The following STARD13 variants were observed in gnomAD, a reference collection of about 807,000 sequenced individuals.
The protein encoded by STARD13 is stAR-related lipid transfer protein 13.
Under a neutral mutation model 106.4 loss-of-function variants are expected in STARD13, and 62 were observed. That is an observed-to-expected ratio of 0.58 (90% CI 0.48 to 0.72). The LOEUF (loss-of-function observed/expected upper bound fraction) is 0.72, where lower values mean the gene tolerates loss of function less well. Ranked by LOEUF, STARD13 falls within the 30% of genes least tolerant of loss-of-function variation. STARD13 has a pLI of 0.00. For missense variants in STARD13, 1,387 were observed against 1,424.0 expected (o/e 0.97, Z 0.42); for synonymous variants, 565 against 553.0 (o/e 1.02, Z -0.31).
At chr13:33,106,998 AGCTAAGGTTTGTGTTTATATTTTCCT>A in intron 12 of STARD13, 64 bp from the exon 13 acceptor site, 1 of 1,483,816 alleles carries the variant, frequency 6.7e-7, no homozygotes, top group East Asian at 2.3e-5. Context: ...CTGAACACAG[AGCTAAGGTTTGTGTTTATATTTTCCT>A]GCCAACAACC....
rs781572832 is a variant in STARD13, at chr13:33,129,670, G to A, written c.1007C>T (p.Ser336Leu). Residue 336 changes from serine to leucine, a missense_variant, in exon 5 of 14, where the codon TCG (serine) becomes TTG (leucine). Ser to Leu is a moderately radical substitution (Grantham distance 145). Transcript: ENST00000336934. ...SGKSSGESSPSEHSSSGVSTP... is the reference protein window; with the variant it reads ...SGKSSGESSPLEHSSSGVSTP... ...GCTCACCCCGCTGCTGCTGTGCTCC[G>A]ACGGGCTGCTCTCGCCACTCGACTT... 8.7e-6 allele frequency: 14 copies of A among 1,613,962 alleles called. No individual in the cohort carries two copies. Among genetic ancestry groups the A allele is most frequent in the East Asian group, 4.5e-5 (2 of 44,878 alleles).
chr13:33,356,031 C>T, the STARD13 span, among the ~76,000 whole-genome samples: 1 of 152,206 alleles, frequency 6.6e-6, no homozygotes, highest in Non-Finnish European at 1.5e-5. Flanking sequence ...TCTTCAGGCT[C>T]AATGTCATAT....
chr13:33,586,659 T>A, the STARD13 span, among the ~76,000 whole-genome samples: 2 of 152,150 alleles, frequency 1.3e-5, no homozygotes, highest in Admixed American at 6.5e-5. Flanking sequence ...GGACCAGTGA[T>A]CTGATCTTTT....
intron 8 of STARD13, among the ~76,000 whole-genome samples, chr13:33,116,937 T>C (rs530896086): frequency 1.2e-4 from 19 of 152,326 alleles, no homozygotes; most frequent in African/African-American, 4.6e-4. Context: ...TGGATATTCT[T>C]CAAATTGAAT....
intron 7 of STARD13, among the ~76,000 whole-genome samples, chr13:33,122,818 G>A (rs1019996264): frequency 3.9e-5 from 6 of 152,098 alleles, no homozygotes; most frequent in Non-Finnish European, 8.8e-5. Flanking sequence ...ACTTAGGGAG[G>A]CCGAGGCGGG....
At chr13:33,119,919 G>A (rs1039814013) in intron 7 of STARD13, among the ~76,000 whole-genome samples, 5 of 152,180 alleles carry the variant, frequency 3.3e-5, no homozygotes, top group African/African-American at 1.2e-4. Flanking sequence ...TGGAAAGAAA[G>A]CATGTACTGT....
intron 1 of STARD13, among the ~76,000 whole-genome samples, chr13:33,196,226 A>G (rs1245290816): frequency 6.6e-6 from 1 of 151,964 alleles, no homozygotes; most frequent in African/African-American, 2.4e-5. Flanking sequence ...CTCTACTAAG[A>G]CTACAAAAAT....
chr13:33,423,766 A>G, the STARD13 span, among the ~76,000 whole-genome samples: 1 of 152,226 alleles, frequency 6.6e-6, no homozygotes, highest in Middle Eastern at 3.2e-3. Context: ...ATGCAGCCAT[A>G]AAAAAGGATA....
At chr13:33,556,221 A>G in the STARD13 span, among the ~76,000 whole-genome samples, 13 of 152,264 alleles carry the variant, frequency 8.5e-5, no homozygotes, top group South Asian at 8.3e-4. Flanking sequence ...ATTCATGAAG[A>G]ATGTTTTCAA....
chr13:33,132,111 T>A (rs1052534182), intron 4 of STARD13, among the ~76,000 whole-genome samples: 1 of 152,188 alleles, frequency 6.6e-6, no homozygotes. Flanking sequence ...CGTGTAGGTT[T>A]GACTAAATGA....
the STARD13 span, chr13:33,657,082 AC>A: frequency 2.6e-5 from 4 of 152,356 alleles, no homozygotes; most frequent in Non-Finnish European, 5.9e-5. Flanking sequence ...ATCCTGGCTA[AC>A]ACAGTGAAAC....
the STARD13 span, among the ~76,000 whole-genome samples, chr13:33,401,112 A>G: frequency 6.6e-6 from 1 of 152,218 alleles, no homozygotes; most frequent in Non-Finnish European, 1.5e-5. Context: ...CAAAGAACAG[A>G]ATTTCGTTCT....
At chr13:33,379,725 A>C in the STARD13 span, among the ~76,000 whole-genome samples, 2 of 152,248 alleles carry the variant, frequency 1.3e-5, no homozygotes, top group Non-Finnish European at 2.9e-5. Context: ...AGAACAAAAC[A>C]GTTCAGTAAC....
At chr13:33,150,668 T>TC (rs1446858020) in intron 3 of STARD13, among the ~76,000 whole-genome samples, 4 of 152,338 alleles carry the variant, frequency 2.6e-5, no homozygotes, top group South Asian at 2.1e-4. Flanking sequence ...CCTGTCCTCT[T>TC]CATGTTTTGA....
the STARD13 span, among the ~76,000 whole-genome samples, chr13:33,634,548 A>C: frequency 0.023 from 3,481 of 152,318 alleles, 115 homozygotes; most frequent in African/African-American, 0.079. Context: ...AGATTTGAAT[A>C]GATACCTCAA....
At chr13:33,264,501 C>T (rs1045940058) in intron 1 of STARD13, among the ~76,000 whole-genome samples, 6 of 152,146 alleles carry the variant, frequency 3.9e-5, no homozygotes, top group Admixed American at 1.3e-4. Flanking sequence ...ATTAGGGTCA[C>T]GTATTTCATC....
At chr13:33,453,506 T>G in the STARD13 span, among the ~76,000 whole-genome samples, 1 of 152,212 alleles carries the variant, frequency 6.6e-6, no homozygotes, top group Non-Finnish European at 1.5e-5. Context: ...TGATGTTGGC[T>G]TTTCTTTTTT....
At chr13:33,163,757 T>TAA (rs1295772260) in intron 3 of STARD13, among the ~76,000 whole-genome samples, 1 of 124,328 alleles carries the variant, frequency 8.0e-6, no homozygotes, top group East Asian at 2.1e-4. Flanking sequence ...CATATATATA[T>TAA]AACATATATA....
chr13:33,555,879 C>A, the STARD13 span, among the ~76,000 whole-genome samples: 1 of 152,050 alleles, frequency 6.6e-6, no homozygotes, highest in Non-Finnish European at 1.5e-5. Flanking sequence ...AGTATTAGAC[C>A]CATTTTATAG....
Sources: gnomAD v4.1 joint callset for allele counts (sites outside exome capture counted in the v4.1 genomes callset) on GRCh38, gnomAD v4.1.1 for gene constraint, MANE v1.5 for transcripts, NCBI Gene and HGNC (gene_info 2026-07-23, HGNC 2026-07-21) for gene names.